Variants in PCDH19 observed in about 807,000 individuals in gnomAD.
PCDH19 encodes the protein protocadherin 19.
PCDH19 carries 6 observed loss-of-function variants against 46.2 expected under a neutral mutation model. The ratio of observed to expected loss-of-function variants is 0.13; its 90% confidence interval spans 0.07 to 0.26. The LOEUF is 0.26. Ranked by LOEUF, PCDH19 falls within the 10% of genes least tolerant of loss-of-function variation. PCDH19 has a pLI of 1.00. For synonymous variants in PCDH19, 481 were observed against 415.7 expected (o/e 1.16, Z -1.91); for missense variants, 740 against 972.3 (o/e 0.76, Z 3.18).
Position 100,316,876 on chromosome X carries a change from C to A in PCDH19, c.2849-20001G>T, listed in dbSNP as rs904454074. On this transcript the variant is annotated intron_variant, in intron 5 of 5. Transcript: ENST00000373034. ...GCTTTCAGTGACCACAAAAAAGAATCAATTGGAATATAAATGTAGCTACAA... is the reference window on the plus strand; with the variant it reads ...GCTTTCAGTGACCACAAAAAAGAATAAATTGGAATATAAATGTAGCTACAA... Among the ~76,000 whole-genome samples, 4 of 111,783 alleles carry A rather than the reference C, an allele frequency of 3.6e-5. No homozygotes were observed. In the East Asian group the frequency reaches 1.1e-3, roughly 31 times the overall value.
intron 3 of PCDH19, among the ~76,000 whole-genome samples, chrX:100,395,679 C>G (rs1928007353): frequency 8.8e-6 from 1 of 113,153 alleles, no homozygotes; most frequent in African/African-American, 3.2e-5. Flanking sequence ...AGTAAGGTTT[C>G]TGCACAGGAG....
At chrX:100,345,249 T>G (rs375673497) in intron 4 of PCDH19, among the ~76,000 whole-genome samples, 10 of 111,767 alleles carry the variant, frequency 8.9e-5, no homozygotes, top group African/African-American at 3.2e-4. Context: ...AATTAAATAT[T>G]ATGTCCATAG....
intron 3 of PCDH19, among the ~76,000 whole-genome samples, chrX:100,355,397 T>C (rs1188867847): frequency 8.9e-6 from 1 of 111,900 alleles, no homozygotes; most frequent in African/African-American, 3.2e-5. Flanking sequence ...GTTTTTTTCT[T>C]GTCTTTAATT....
intron 3 of PCDH19, among the ~76,000 whole-genome samples, chrX:100,397,924 C>T (rs979455756): frequency 1.7e-4 from 19 of 111,060 alleles, no homozygotes; most frequent in Non-Finnish European, 2.3e-4. Flanking sequence ...GACAAACCTA[C>T]TATCTTTCTT....
At chrX:100,378,607 T>TA (rs1446710497) in intron 3 of PCDH19, among the ~76,000 whole-genome samples, 1 of 112,323 alleles carries the variant, frequency 8.9e-6, no homozygotes, top group Admixed American at 9.4e-5. Context: ...ACCCTGCACT[T>TA]GTATTAACGT....
At chrX:100,305,156 CTT>C (rs2147453290) in intron 5 of PCDH19, among the ~76,000 whole-genome samples, 1 of 112,258 alleles carries the variant, frequency 8.9e-6, no homozygotes, top group Non-Finnish European at 1.9e-5. Context: ...AGAAAAGAAT[CTT>C]AAGAGCTGTC....
At chrX:100,361,833 A>G (rs1926891194) in intron 3 of PCDH19, among the ~76,000 whole-genome samples, 1 of 111,049 alleles carries the variant, frequency 9.0e-6, no homozygotes, top group Non-Finnish European at 1.9e-5. Flanking sequence ...CAGTGAAATC[A>G]AAGTAAATAG....
At chrX:100,354,210 G>A (rs1454398523) in intron 3 of PCDH19, among the ~76,000 whole-genome samples, 1 of 111,524 alleles carries the variant, frequency 9.0e-6, no homozygotes, top group Admixed American at 9.6e-5. Context: ...TGCACTGAGA[G>A]AGTATATTTT....
In PCDH19 at chrX:100,336,978, CAAG is replaced by C. The variant is rs1926108487; in HGVS notation, c.2848+4922_2848+4924del. Among the ~76,000 whole-genome samples the C allele has an allele frequency of 8.1e-5, 9 of 111,065 alleles. No homozygotes were observed. In the South Asian group the frequency reaches 3.5e-3, roughly 43 times the overall value. ...CATCAAAAATTGTTATGCAAAGAAGCAAGAAGGAGCCAGACCCCAGCCCCCACT... is the reference window on the plus strand; with the variant it reads ...CATCAAAAATTGTTATGCAAAGAAGCAAGGAGCCAGACCCCAGCCCCCACT... On this transcript the variant is annotated intron_variant, in intron 5 of 5. Coordinates refer to ENST00000373034, the MANE Select transcript of PCDH19 (RefSeq NM_001184880.2).
intron 5 of PCDH19, among the ~76,000 whole-genome samples, chrX:100,317,589 C>A (rs1925348208): frequency 3.1e-5 from 1 of 31,981 alleles, no homozygotes; most frequent in African/African-American, 8.4e-5. Flanking sequence ...CATTGTATCA[C>A]CATATTTAAA....
intron 3 of PCDH19, among the ~76,000 whole-genome samples, chrX:100,399,282 T>C (rs1347637127): frequency 8.9e-6 from 1 of 112,012 alleles, no homozygotes; most frequent in Non-Finnish European, 1.9e-5. Flanking sequence ...GATTAATTAA[T>C]TAATTAGGAA....
At chrX:100,376,410 A>AT (rs913344166) in intron 3 of PCDH19, among the ~76,000 whole-genome samples, 3 of 110,767 alleles carry the variant, frequency 2.7e-5, no homozygotes, top group African/African-American at 9.8e-5. Context: ...CCTTCCAGGG[A>AT]TTTTTTTTAA....
intron 5 of PCDH19, 59 bp from the exon 6 acceptor site, chrX:100,296,934 C>T: frequency 3.8e-6 from 4 of 1,042,777 alleles, no homozygotes; most frequent in Admixed American, 2.2e-5. Flanking sequence ...CACTGTTACT[C>T]CCCAGTGTTC....
At chrX:100,314,447 C>T (rs763285869) in intron 5 of PCDH19, among the ~76,000 whole-genome samples, 26 of 111,876 alleles carry the variant, frequency 2.3e-4, no homozygotes, top group Non-Finnish European at 4.5e-4. Flanking sequence ...AGAAGTTAAA[C>T]GATTACTAGT....
At chrX:100,349,202 C>T in intron 4 of PCDH19, among the ~76,000 whole-genome samples, 1 of 112,115 alleles carries the variant, frequency 8.9e-6, no homozygotes, top group East Asian at 2.8e-4. Flanking sequence ...AATAACAATT[C>T]GGAAGCAGAA....
At chrX:100,388,477 C>T (rs891056442) in intron 3 of PCDH19, among the ~76,000 whole-genome samples, 1 of 110,300 alleles carries the variant, frequency 9.1e-6, no homozygotes, top group Non-Finnish European at 1.9e-5. Flanking sequence ...ATATATTTAG[C>T]TATTAACATA....
intron 1 of PCDH19, among the ~76,000 whole-genome samples, chrX:100,406,147 C>T (rs1194392843): frequency 1.8e-5 from 2 of 111,728 alleles, no homozygotes; most frequent in African/African-American, 3.3e-5. Context: ...CTCTCTCTCT[C>T]TGTTTTTCCT....
At chrX:100,376,250 AAAAAG>A (rs1285923420) in intron 3 of PCDH19, among the ~76,000 whole-genome samples, 3 of 91,003 alleles carry the variant, frequency 3.3e-5, no homozygotes, top group Admixed American at 1.2e-4. Flanking sequence ...AAAAAAAAAA[AAAAAG>A]AAAAGAAAAG....
At chrX:100,358,857 A>T (rs1210414757) in intron 3 of PCDH19, among the ~76,000 whole-genome samples, 3 of 112,365 alleles carry the variant, frequency 2.7e-5, no homozygotes, top group African/African-American at 9.7e-5. Flanking sequence ...CAGTCATGTA[A>T]GTCAAACTAT....
Sources: gnomAD v4.1 joint callset for allele counts (sites outside exome capture counted in the v4.1 genomes callset) on GRCh38, gnomAD v4.1.1 for gene constraint, MANE v1.5 for transcripts, NCBI Gene and HGNC (gene_info 2026-07-23, HGNC 2026-07-21) for gene names.